Variants in RERG observed in about 807,000 individuals in gnomAD.
RERG encodes the protein ras-related and estrogen-regulated growth inhibitor.
A neutral mutation model predicts 23.2 loss-of-function variants in RERG; 25 were observed. The observed-to-expected ratio is 1.08, with a 90% CI of 0.79 to 1.50. The LOEUF is 1.50. Among genes scored for constraint, RERG ranks in the 40% most tolerant of loss-of-function variants. The pLI is 0.00. For missense variants in RERG, 253 were observed against 250.1 expected (o/e 1.01, Z -0.08); for synonymous variants, 81 against 89.1 (o/e 0.91, Z 0.51).
intron 2 of RERG, among the ~76,000 whole-genome samples, chr12:15,175,332 T>C (rs1864833063): frequency 7.2e-6 from 1 of 138,562 alleles, no homozygotes; most frequent in Non-Finnish European, 1.5e-5. Context: ...ACTCTCAGGC[T>C]CTGTGTGTGT....
chr12:15,206,258 G>A (rs1865288450), intron 2 of RERG, among the ~76,000 whole-genome samples: 1 of 152,004 alleles, frequency 6.6e-6, no homozygotes, highest in South Asian at 2.1e-4. Flanking sequence ...AGGAACCACA[G>A]GAAGGCTTCA....
At chr12:15,187,206 C>T (rs1276299354) in intron 2 of RERG, among the ~76,000 whole-genome samples, 1 of 152,016 alleles carries the variant, frequency 6.6e-6, no homozygotes, top group Admixed American at 6.6e-5. Context: ...AGAACCAGCT[C>T]TCAAGGCAAC....
intron 2 of RERG, among the ~76,000 whole-genome samples, chr12:15,202,139 G>C (rs1169012203): frequency 1.3e-5 from 2 of 151,650 alleles, no homozygotes; most frequent in African/African-American, 2.4e-5. Flanking sequence ...TGAAAAAACT[G>C]TATATATTTA....
At position 15,216,086 on chromosome 12, in the gene RERG, T is replaced by C. The variant is rs1865437527; in HGVS notation, c.61+1343A>G. Among the ~76,000 whole-genome samples, 3 of 152,332 alleles carry C rather than the reference T, an allele frequency of 2.0e-5. No homozygotes were observed. The South Asian group carries it at 6.2e-4, about 32-fold the overall frequency. ...GAGTTAGACAAGCTCTTGCTGGCAGTGCACATCTTCTCCCACACTGCCTTC... is the reference window on the plus strand; with the variant it reads ...GAGTTAGACAAGCTCTTGCTGGCAGCGCACATCTTCTCCCACACTGCCTTC... On this transcript the variant is annotated intron_variant, in intron 2 of 4. Transcript: ENST00000256953.
chr12:15,196,100 A>C (rs1323765047), intron 2 of RERG, among the ~76,000 whole-genome samples: 1 of 152,118 alleles, frequency 6.6e-6, no homozygotes, highest in East Asian at 1.9e-4. Flanking sequence ...AGGCCATTTA[A>C]AATCTGAGAA....
intron 2 of RERG, among the ~76,000 whole-genome samples, chr12:15,178,280 C>T (rs937098355): frequency 1.3e-5 from 2 of 152,126 alleles, no homozygotes; most frequent in Non-Finnish European, 2.9e-5. Flanking sequence ...GCGACCTCTT[C>T]ACCCCCACTT....
intron 2 of RERG, among the ~76,000 whole-genome samples, chr12:15,194,769 T>C (rs1270908625): frequency 6.6e-6 from 1 of 152,106 alleles, no homozygotes; most frequent in African/African-American, 2.4e-5. Flanking sequence ...TGCAGGATGT[T>C]GGGCTGAATG....
chr12:15,213,652 C>G (rs1175448816), intron 2 of RERG, among the ~76,000 whole-genome samples: 1 of 152,210 alleles, frequency 6.6e-6, no homozygotes, highest in Non-Finnish European at 1.5e-5. Context: ...ACACACATCC[C>G]TCACATGTTT....
chr12:15,150,097 G>C (rs562318087), intron 2 of RERG, among the ~76,000 whole-genome samples: 1 of 152,296 alleles, frequency 6.6e-6, no homozygotes, highest in African/African-American at 2.4e-5. Flanking sequence ...ACAAGGCCAA[G>C]ACTGCTCACT....
chr12:15,155,852 C>G (rs1864513994), intron 2 of RERG, among the ~76,000 whole-genome samples: 1 of 108,040 alleles, frequency 9.3e-6, no homozygotes, highest in Admixed American at 1.1e-4. Flanking sequence ...AGCCTTTGAA[C>G]TATTTCTCAT....
rs538084913 is a variant in RERG, at chr12:15,221,362, G to A, written c.-282C>T. On this transcript the variant is annotated 5_prime_UTR_variant, in exon 1 of 5. Transcript: ENST00000256953. ...ACTCGCCGCAGAAGCAAGTGCCAGT[G>A]GCCCGGCGGGGGTCTCCTCACTCGC... 2 of 152,426 alleles carry A rather than the reference G, an allele frequency of 1.3e-5. No individual in the cohort carries two copies. The highest frequency in any genetic ancestry group is 4.1e-4 in the South Asian group (2 of 4,834). The allele number at this position is 152,426 out of a possible 1,614,324, so 9.4% of individuals were successfully genotyped here.
At chr12:15,141,795 G>C (rs952824044) in intron 2 of RERG, among the ~76,000 whole-genome samples, 5 of 152,214 alleles carry the variant, frequency 3.3e-5, no homozygotes, top group African/African-American at 1.2e-4. Context: ...GAAATTAGAA[G>C]TCTGTTCCAG....
Position 15,111,368 on chromosome 12 carries a change from C to T in RERG, c.168G>A (p.Met56Ile), listed in dbSNP as rs1173099081. The change falls in exon 4 of 5, where the codon ATG (methionine) becomes ATA (isoleucine). Residue 56 changes from methionine to isoleucine, a missense_variant. By Grantham distance (10) the Met-to-Ile change is conservative. Coordinates refer to ENST00000256953, the MANE Select transcript of RERG (RefSeq NM_032918.3). ...QATIDDEVVS[M>I]EILDTAGQED... ...CCTGACCAGCAGTGTCTAGTATCTC[C>T]ATGGAAACAACTTCATCATCGATGG... The T allele has an allele frequency of 6.2e-7, 1 of 1,613,062 alleles. No homozygotes were observed. Among genetic ancestry groups the T allele is most frequent in the Admixed American group, 1.7e-5 (1 of 59,974 alleles).
In RERG at chr12:15,211,728, A is replaced by T. The variant is rs1423729308; in HGVS notation, c.61+5701T>A. The stretch of plus-strand genomic sequence containing the variant: ...TGACACTTGAGGGGATGGACATGCT[A>T]ATTCACCTGGTTTGATCATTCCGTA... On this transcript the variant is annotated intron_variant, in intron 2 of 4. Transcript: ENST00000256953. Among the ~76,000 whole-genome samples, 5 of 152,236 alleles carry T rather than the reference A, an allele frequency of 3.3e-5. 1 individual carries two copies. The highest frequency in any genetic ancestry group is 2.6e-4 in the Admixed American group (4 of 15,284).
At chr12:15,219,082 T>C (rs1270320281) in intron 1 of RERG, among the ~76,000 whole-genome samples, 2 of 152,268 alleles carry the variant, frequency 1.3e-5, no homozygotes, top group Admixed American at 6.5e-5. Flanking sequence ...TAAACCTAAA[T>C]ACAGCACAGC....
intron 2 of RERG, among the ~76,000 whole-genome samples, chr12:15,149,163 C>T (rs991555552): frequency 2.6e-5 from 4 of 151,874 alleles, no homozygotes; most frequent in Admixed American, 2.6e-4. Flanking sequence ...GCCACCGCGC[C>T]CAGCCTGCAG....
At chr12:15,175,189 T>C (rs1864831229) in intron 2 of RERG, among the ~76,000 whole-genome samples, 1 of 151,926 alleles carries the variant, frequency 6.6e-6, no homozygotes, top group Non-Finnish European at 1.5e-5. Flanking sequence ...TTTGTAACTT[T>C]CCTAAGCTAA....
intron 2 of RERG, among the ~76,000 whole-genome samples, chr12:15,191,468 A>G (rs945517204): frequency 1.3e-5 from 2 of 152,032 alleles, no homozygotes; most frequent in Non-Finnish European, 2.9e-5. Context: ...TTTTTTTTCA[A>G]ATTGTAAATT....
At chr12:15,191,703 A>G (rs1297278139) in intron 2 of RERG, among the ~76,000 whole-genome samples, 1 of 151,962 alleles carries the variant, frequency 6.6e-6, no homozygotes, top group Admixed American at 6.6e-5. Flanking sequence ...TTCCACTCTA[A>G]AGACATCCCT....
Sources: allele counts gnomAD v4.1 joint callset (sites outside exome capture counted in the v4.1 genomes callset), GRCh38; gene constraint gnomAD v4.1.1; transcripts MANE v1.5; gene names NCBI Gene and HGNC (gene_info 2026-07-23, HGNC 2026-07-21).